The following HDAC9 variants were observed in gnomAD, a reference collection of about 807,000 sequenced individuals.
HDAC9 encodes MEF-2 interacting transcription repressor (MITR) protein.
HDAC9 carries 41 observed loss-of-function variants against 139.4 expected under a neutral mutation model. That is an observed-to-expected ratio of 0.29 (90% confidence interval 0.23 to 0.38). The LOEUF (loss-of-function observed/expected upper bound fraction) is 0.38. Among genes scored for constraint, HDAC9 ranks in the 10% least tolerant of loss-of-function variants. The probability of loss-of-function intolerance (pLI) is 1.00; values close to 1 mark genes in which losing one functional copy is unlikely to be tolerated. For missense variants in HDAC9, 1,147 were observed against 1,297.0 expected (o/e 0.88, Z 1.78); for synonymous variants, 517 against 476.2 (o/e 1.09, Z -1.12).
chr7:18,629,578 T>A, intron 7 of HDAC9, 97 bp downstream of exon 7: 2 of 1,182,668 alleles, frequency 1.7e-6, no homozygotes, highest in Non-Finnish European at 2.3e-6. Context: ...AAAGTTATTT[T>A]GAGAAGAAAT....
chr7:18,928,063 G>C (rs1207532971), intron 22 of HDAC9, among the ~76,000 whole-genome samples: 2 of 152,168 alleles, frequency 1.3e-5, no homozygotes, highest in Non-Finnish European at 2.9e-5. Context: ...CATGATCGAG[G>C]TATCTTTCTC....
intron 1 of HDAC9, among the ~76,000 whole-genome samples, chr7:18,296,664 A>G (rs1171769616): frequency 6.6e-6 from 1 of 152,168 alleles, no homozygotes; most frequent in Non-Finnish European, 1.5e-5. Context: ...TGTAGGATGG[A>G]TTGGAAAGGA....
intron 2 of HDAC9, among the ~76,000 whole-genome samples, chr7:18,228,258 T>C (rs1300205437): frequency 6.6e-6 from 1 of 151,860 alleles, no homozygotes; most frequent in African/African-American, 2.4e-5. Flanking sequence ...TGCCAAGTCA[T>C]TTTTTAAAAA....
At chr7:18,457,751 A>G (rs891485892) in intron 1 of HDAC9, among the ~76,000 whole-genome samples, 5 of 151,928 alleles carry the variant, frequency 3.3e-5, no homozygotes, top group Non-Finnish European at 5.9e-5. Flanking sequence ...TTTGTTGATT[A>G]GTCAAAAGTA....
chr7:18,887,642 T>C (rs1288234222), intron 22 of HDAC9, among the ~76,000 whole-genome samples: 3 of 152,218 alleles, frequency 2.0e-5, no homozygotes, highest in Non-Finnish European at 2.9e-5. Flanking sequence ...TTCACACATA[T>C]AAGCTGGGGT....
chr7:18,411,817 C>CTTTT (rs71014326), intron 1 of HDAC9, among the ~76,000 whole-genome samples: 2,074 of 88,662 alleles, frequency 0.023, 2 homozygotes, highest in Non-Finnish European at 0.029. Flanking sequence ...TTTCAACTTG[C>CTTTT]TTTTTTTTTT....
At chr7:18,437,991 A>G (rs1184850266) in intron 1 of HDAC9, among the ~76,000 whole-genome samples, 1 of 151,466 alleles carries the variant, frequency 6.6e-6, no homozygotes, top group East Asian at 1.9e-4. Context: ...GTAGCATATC[A>G]CTGTCTTTTC....
chr7:18,804,731 C>T (rs1171404026), intron 17 of HDAC9, among the ~76,000 whole-genome samples: 2 of 152,178 alleles, frequency 1.3e-5, no homozygotes, highest in African/African-American at 2.4e-5. Flanking sequence ...CTGCAATTAT[C>T]TTACCTAATC....
rs138672598 is a variant in HDAC9, at chr7:18,506,004, T to C, written c.22+9680T>C. 4.2e-3 allele frequency: 642 copies of C among 152,280 alleles called. 5 individuals carry two copies. Among genetic ancestry groups the C allele is most frequent in the African/African-American group, 0.015 (625 of 41,538 alleles). The allele number at this position is 152,280 out of a possible 1,614,324, so 9.4% of individuals were successfully genotyped here. ...GTTAGGCGTTATCATGCCATATGAG[T>C]TACCTCCTAATATAACTCTACACTG... On this transcript the variant is annotated intron_variant, in intron 2 of 25. Transcript: ENST00000686413.
At chr7:18,990,550 C>G (rs1785811046) in intron 25 of HDAC9, among the ~76,000 whole-genome samples, 2 of 152,224 alleles carry the variant, frequency 1.3e-5, no homozygotes. Flanking sequence ...GGCAGGCAGG[C>G]CTCCTTGAGC....
At chr7:18,876,352 T>C (rs1423441969) in intron 22 of HDAC9, among the ~76,000 whole-genome samples, 1 of 152,134 alleles carries the variant, frequency 6.6e-6, no homozygotes, top group Non-Finnish European at 1.5e-5. Context: ...TCCATACCCC[T>C]TGTGTATCTT....
At chr7:18,185,239 C>T (rs962267111) in intron 2 of HDAC9, among the ~76,000 whole-genome samples, 2 of 152,300 alleles carry the variant, frequency 1.3e-5, no homozygotes, top group Non-Finnish European at 1.5e-5. Context: ...TTGGACTATA[C>T]ATTAAAATAA....
chr7:18,817,008 G>T (rs1794609612), intron 17 of HDAC9, among the ~76,000 whole-genome samples: 2 of 150,898 alleles, frequency 1.3e-5, no homozygotes, highest in Admixed American at 1.3e-4. Context: ...ATAAATAAAC[G>T]ACTTAATATA....
intron 22 of HDAC9, among the ~76,000 whole-genome samples, chr7:18,911,679 T>G (rs913972439): frequency 4.0e-5 from 6 of 151,834 alleles, no homozygotes; most frequent in African/African-American, 1.2e-4. Context: ...ATCCCATGGG[T>G]TTTGGTGAGT....
At chr7:18,648,746 C>G in intron 11 of HDAC9, 63 bp downstream of exon 11, 2 of 1,331,838 alleles carry the variant, frequency 1.5e-6, no homozygotes, top group Non-Finnish European at 2.1e-6. Context: ...TATCTCTTCA[C>G]TGATATGGGT....
intron 1 of HDAC9, among the ~76,000 whole-genome samples, chr7:18,119,635 T>G (rs1784235940): frequency 6.6e-6 from 1 of 152,214 alleles, no homozygotes; most frequent in South Asian, 2.1e-4. Flanking sequence ...CACACTTGGA[T>G]AGTGAATAGA....
intron 11 of HDAC9, among the ~76,000 whole-genome samples, chr7:18,650,735 T>G (rs1052695828): frequency 1.3e-5 from 2 of 152,192 alleles, no homozygotes; most frequent in African/African-American, 4.8e-5. Context: ...ACCTATACTT[T>G]TAGGTACATG....
intron 2 of HDAC9, among the ~76,000 whole-genome samples, chr7:18,545,095 A>G (rs760438001): frequency 6.6e-6 from 1 of 152,180 alleles, no homozygotes; most frequent in Non-Finnish European, 1.5e-5. Context: ...CAATGGTTCC[A>G]AAGTTGAGAA....
At chr7:18,227,393 A>G (rs901997096) in intron 2 of HDAC9, among the ~76,000 whole-genome samples, 2 of 152,288 alleles carry the variant, frequency 1.3e-5, no homozygotes, top group African/African-American at 4.8e-5. Context: ...TTATGGGAGG[A>G]GAAAGGAAAG....
Sources: gnomAD v4.1 joint callset for allele counts (sites outside exome capture counted in the v4.1 genomes callset) on GRCh38, gnomAD v4.1.1 for gene constraint, MANE v1.5 for transcripts, NCBI Gene and HGNC (gene_info 2026-07-23, HGNC 2026-07-21) for gene names.